ALPK1: variants seen among roughly 807,000 people sequenced by gnomAD.
ALPK1 encodes the protein alpha-protein kinase 1.
A neutral mutation model predicts 120.6 loss-of-function variants in ALPK1; 110 were observed. That is an observed-to-expected ratio of 0.91 (90% CI 0.78 to 1.07). ALPK1 has a LOEUF of 1.07. ALPK1 is among the 50% of genes least tolerant of loss of function. ALPK1 has a pLI of 0.00. For missense variants in ALPK1, 1,498 were observed against 1,483.9 expected, an observed-to-expected ratio of 1.01 and a Z score of -0.16; for synonymous variants, 582 against 560.3, an observed-to-expected ratio of 1.04 and a Z score of -0.55.
rs1464150171 is a variant in ALPK1 at position 112,429,174 on chromosome 4, A to G, written c.821A>G (p.His274Arg). Residue 274 changes from histidine to arginine, a missense_variant, in exon 10 of 16, where the codon CAT (histidine) becomes CGT (arginine). His to Arg is a conservative substitution (Grantham distance 29). Coordinates refer to ENST00000650871, the MANE Select transcript of ALPK1 (RefSeq NM_025144.4). ...NLSLLKEFDH[H>R]LLSAAEACKL... ...AGCCTGCTGAAGGAGTTTGACCACC[A>G]TTTGCTGTCCGCTGCAGAAGCCTGC... The G allele has an allele frequency of 1.9e-6, 3 of 1,613,098 alleles. No individual in the cohort carries two copies. The highest frequency in any genetic ancestry group is 3.3e-5 in the Admixed American group (2 of 59,994).
intron 2 of ALPK1, among the ~76,000 whole-genome samples, chr4:112,341,339 C>T (rs1729854072): frequency 6.6e-6 from 1 of 152,198 alleles, no homozygotes; most frequent in Admixed American, 6.5e-5. Flanking sequence ...TAGGCCTTGC[C>T]TTCCTGACAA....
At chr4:112,334,984 C>A (rs1729547214) in intron 2 of ALPK1, among the ~76,000 whole-genome samples, 1 of 152,156 alleles carries the variant, frequency 6.6e-6, no homozygotes, top group Non-Finnish European at 1.5e-5. Flanking sequence ...TTAAACAGGG[C>A]ACAGTGGCTC....
rs187635119 is a variant in ALPK1, at chr4:112,394,148, T to C, written c.276+11596T>C. ...AATGACGGGACCACCACAGCCGGGTTTCCTACTCCTAAATGTGGGGTTTTC... is the reference window on the plus strand; with the variant it reads ...AATGACGGGACCACCACAGCCGGGTCTCCTACTCCTAAATGTGGGGTTTTC... On this transcript the variant is annotated intron_variant, in intron 4 of 15. Coordinates refer to ENST00000650871, the MANE Select transcript of ALPK1 (RefSeq NM_025144.4). 4.6e-5 allele frequency among the ~76,000 whole-genome samples: 7 copies of C among 152,240 alleles called. No individual in the cohort carries two copies. In the East Asian group the frequency reaches 1.4e-3, roughly 29 times the overall value.
intron 5 of ALPK1, among the ~76,000 whole-genome samples, chr4:112,412,963 T>C (rs554506572): frequency 2.6e-4 from 39 of 152,356 alleles, no homozygotes; most frequent in African/African-American, 8.7e-4. Flanking sequence ...AATGGGCTAG[T>C]GGAGGTTACC....
At chr4:112,311,645 TC>T (rs1265637890) in intron 1 of ALPK1, among the ~76,000 whole-genome samples, 1 of 152,322 alleles carries the variant, frequency 6.6e-6, no homozygotes, top group East Asian at 1.9e-4. Context: ...CAAGGTGCCT[TC>T]CTGACTTTCA....
intron 6 of ALPK1, among the ~76,000 whole-genome samples, chr4:112,424,532 G>A (rs1486222984): frequency 6.6e-6 from 1 of 152,162 alleles, no homozygotes; most frequent in Non-Finnish European, 1.5e-5. Context: ...AATAACTTAA[G>A]GCTTCAGATA....
chr4:112,414,749 C>T (rs1368075169), intron 5 of ALPK1: 4 of 158,440 alleles, frequency 2.5e-5, no homozygotes, highest in Non-Finnish European at 5.6e-5. Context: ...TGAGCACGTG[C>T]AGAATCTTCT....
At position 112,377,855 on chromosome 4, in the gene ALPK1, A is replaced by G; in HGVS notation, c.78A>G (p.Pro26=). Residue 26 remains proline, a synonymous_variant, in exon 3 of 16, where the codon CCA becomes CCG. Transcript: ENST00000650871. The stretch of plus-strand genomic sequence containing the variant: ...TGGATCAGCTCTTGTTGGAAGCGCC[A>G]GATGTGTCGGAAGAGGACAAGAGCG... ...QVLDQLLLEA[P]DVSEEDKSED... is the part of the protein sequence containing the mutation. 1 of 1,613,674 alleles carries G rather than the reference A, an allele frequency of 6.2e-7. No homozygotes were observed. The highest frequency in any genetic ancestry group is 2.2e-5 in the East Asian group (1 of 44,852).
chr4:112,353,652 A>G (rs569062360), intron 2 of ALPK1, among the ~76,000 whole-genome samples: 3 of 152,192 alleles, frequency 2.0e-5, no homozygotes, highest in Admixed American at 6.5e-5. Context: ...TGGATCACCT[A>G]AGGTCAGGAG....
chr4:112,379,472 C>T (rs1367641807), intron 3 of ALPK1, among the ~76,000 whole-genome samples: 1 of 152,248 alleles, frequency 6.6e-6, no homozygotes, highest in Non-Finnish European at 1.5e-5. Context: ...GTAGCATCAG[C>T]CCCAGCCCAA....
intron 11 of ALPK1, among the ~76,000 whole-genome samples, chr4:112,434,004 T>C (rs1734686520): frequency 6.6e-6 from 1 of 152,172 alleles, no homozygotes; most frequent in Admixed American, 6.5e-5. Flanking sequence ...GCCTGCCACC[T>C]TGAAGTCCGA....
At position 112,439,728 on chromosome 4, in the gene ALPK1, C is replaced by G. The variant is rs188598288; in HGVS notation, c.3394C>G (p.Pro1132Ala). 1.9e-6 allele frequency: 3 copies of G among 1,612,726 alleles called. No individual in the cohort carries two copies. Among genetic ancestry groups the G allele is most frequent in the Admixed American group, 1.7e-5 (1 of 59,708 alleles). Residue 1132 changes from proline (P) to alanine (A), a missense_variant, in exon 14 of 16, where the codon CCT becomes GCT. Transcript: ENST00000650871. ...KTIKGCISVE[P>A]YILGEFVKLS... Reference sequence around the variant, plus strand: ...AATAAAGGGATGTATCAGTGTGGAGCCTTACATACTGGGAGAATTTGTAAA... The same window carrying G: ...AATAAAGGGATGTATCAGTGTGGAGGCTTACATACTGGGAGAATTTGTAAA...
At chr4:112,337,503 G>A (rs770448023) in intron 2 of ALPK1, among the ~76,000 whole-genome samples, 1 of 152,030 alleles carries the variant, frequency 6.6e-6, no homozygotes, top group Non-Finnish European at 1.5e-5. Context: ...GAGACAGCCT[G>A]GGCAACAGTA....
At chr4:112,440,026 T>A (rs1283566502) in intron 14 of ALPK1, among the ~76,000 whole-genome samples, 154 bp downstream of exon 14, 1 of 152,236 alleles carries the variant, frequency 6.6e-6, no homozygotes, top group African/African-American at 2.4e-5. Context: ...TAGCAAATAA[T>A]TCCTGAAAGA....
At chr4:112,366,255 C>T (rs1045949662) in intron 2 of ALPK1, among the ~76,000 whole-genome samples, 2 of 151,962 alleles carry the variant, frequency 1.3e-5, no homozygotes, top group Non-Finnish European at 2.9e-5. Flanking sequence ...AAGTAACAAT[C>T]AGCAGAGTAA....
chr4:112,432,861 C>G (rs1734634925), intron 11 of ALPK1, among the ~76,000 whole-genome samples: 1 of 152,190 alleles, frequency 6.6e-6, no homozygotes, highest in African/African-American at 2.4e-5. Flanking sequence ...AGGACTCTGG[C>G]ACAGCCATCA....
At chr4:112,326,813 A>G (rs768078348) in intron 2 of ALPK1, among the ~76,000 whole-genome samples, 3 of 152,190 alleles carry the variant, frequency 2.0e-5, no homozygotes, top group Non-Finnish European at 4.4e-5. Flanking sequence ...ATTCATTTAG[A>G]GCCCATAGGG....
intron 4 of ALPK1, among the ~76,000 whole-genome samples, chr4:112,402,670 A>G (rs1157961097): frequency 6.6e-6 from 1 of 152,208 alleles, no homozygotes; most frequent in Non-Finnish European, 1.5e-5. Flanking sequence ...CTCTTCAGAA[A>G]TCCAGCACAT....
intron 4 of ALPK1, 176 bp downstream of exon 4, chr4:112,382,728 A>G (rs1189569090): frequency 3.0e-5 from 27 of 903,632 alleles, no homozygotes; most frequent in Admixed American, 5.2e-5. Context: ...TTACTTGCCC[A>G]TAAGATCTTG....
Sources: gnomAD v4.1 joint callset for allele counts (sites outside exome capture counted in the v4.1 genomes callset) on GRCh38, gnomAD v4.1.1 for gene constraint, MANE v1.5 for transcripts, NCBI Gene and HGNC (gene_info 2026-07-23, HGNC 2026-07-21) for gene names.